The following PRSS23 variants were observed in gnomAD, a reference collection of about 807,000 sequenced individuals.
The protein encoded by PRSS23 is protease, serine 23.
A neutral mutation model predicts 34.7 loss-of-function variants in PRSS23; 25 were observed. The observed-to-expected ratio is 0.72, with a 90% CI of 0.53 to 1.01. The LOEUF (loss-of-function observed/expected upper bound fraction) is 1.01, where lower values mean the gene tolerates loss of function less well. Among genes scored for constraint, PRSS23 ranks in the 50% least tolerant of loss-of-function variants. PRSS23 has a pLI of 0.00. For synonymous variants in PRSS23, 176 were observed against 186.6 expected, an observed-to-expected ratio of 0.94 and a Z score of 0.46; for missense variants, 445 against 475.6, an observed-to-expected ratio of 0.94 and a Z score of 0.60.
Position 86,823,733 on chromosome 11 carries a change from G to A in PRSS23, c.206+140G>A, listed in dbSNP as rs1032749176. Reference sequence around the variant, plus strand: ...ATCAAGAATTCAGAGCAGGCCGGGCGCGGTGGCTCACGCCTGTAATCCCAG... The same window carrying A: ...ATCAAGAATTCAGAGCAGGCCGGGCACGGTGGCTCACGCCTGTAATCCCAG... On this transcript the variant is annotated intron_variant, in intron 2 of 2. Coordinates refer to the PRSS23 transcript ENST00000533902. The A allele has an allele frequency of 6.2e-5, 39 of 627,794 alleles. 1 individual carries two copies. In the African/African-American group the frequency reaches 6.5e-4, roughly 10 times the overall value. 38.9% of individuals were successfully genotyped at this position (627,794 alleles called of 1,614,324 possible).
chr11:86,913,275 A>AC (rs1163553706), intron 2 of PRSS23, among the ~76,000 whole-genome samples: 7 of 44,172 alleles, frequency 1.6e-4, no homozygotes, highest in African/African-American at 4.4e-4. Context: ...GCCCTCAGGC[A>AC]AAAAAAAAAA....
chr11:86,870,325 C>T (rs1405780085), intron 2 of PRSS23, among the ~76,000 whole-genome samples: 1 of 152,050 alleles, frequency 6.6e-6, no homozygotes, highest in Non-Finnish European at 1.5e-5. Flanking sequence ...ATGTCAACAT[C>T]CTGTCGTATT....
At chr11:86,925,746 C>G (rs1399241907) in intron 2 of PRSS23, among the ~76,000 whole-genome samples, 1 of 152,174 alleles carries the variant, frequency 6.6e-6, no homozygotes, top group African/African-American at 2.4e-5. Context: ...TAAGACTTTC[C>G]AGTTAGTAGC....
At position 86,808,813 on chromosome 11, in the gene PRSS23, G is replaced by C; in HGVS notation, c.*18G>C. ...AGGGGTGACACAGTGTTCCCTCCTG[G>C]CAGCAATTAAGGGTCTTCATGTTCT... On this transcript the variant is annotated 3_prime_UTR_variant, in exon 2 of 2. Coordinates refer to ENST00000280258, the MANE Select transcript of PRSS23 (RefSeq NM_007173.6). 1.9e-6 allele frequency: 3 copies of C among 1,583,052 alleles called. No homozygotes were observed. Among genetic ancestry groups the C allele is most frequent in the Non-Finnish European group, 2.6e-6 (3 of 1,162,848 alleles).
At position 86,905,228 on chromosome 11, in the gene PRSS23, C is replaced by G. The variant is rs114722950; in HGVS notation, c.207-45988C>G. Among the ~76,000 whole-genome samples, 48 of 152,300 alleles carry G rather than the reference C, an allele frequency of 3.2e-4. No homozygotes were observed. The South Asian group carries it at 9.3e-3, about 30-fold the overall frequency. ...ATAGGCCTTCCTTCTCTTTGTACCT[C>G]TAATATTCAGCACATAGTGGCTATT... On this transcript the variant is annotated intron_variant, in intron 2 of 2. Transcript: ENST00000533902.
At chr11:86,878,750 T>G (rs1033731310) in intron 2 of PRSS23, among the ~76,000 whole-genome samples, 1 of 149,752 alleles carries the variant, frequency 6.7e-6, no homozygotes, top group African/African-American at 2.5e-5. Context: ...GGAGCCCCAC[T>G]GCCTGGCTAC....
chr11:86,838,916 G>A (rs1948426661), intron 2 of PRSS23, among the ~76,000 whole-genome samples: 1 of 152,026 alleles, frequency 6.6e-6, no homozygotes, highest in South Asian at 2.1e-4. Flanking sequence ...AACTAACAAA[G>A]AGAAAGGAAT....
intron 2 of PRSS23, among the ~76,000 whole-genome samples, chr11:86,893,587 G>A (rs1948855608): frequency 6.6e-6 from 1 of 152,154 alleles, no homozygotes; most frequent in Non-Finnish European, 1.5e-5. Context: ...AAGGTAGGAT[G>A]GCAGGAGCTA....
chr11:86,795,887 C>T (rs17149439), upstream of PRSS23, among the ~76,000 whole-genome samples: 1,308 of 152,286 alleles, frequency 8.6e-3, 11 homozygotes, highest in African/African-American at 0.03. Context: ...TTCAAACTGA[C>T]TTAAATTGTT....
At chr11:86,801,582 A>T (rs1348155110) in intron 1 of PRSS23, among the ~76,000 whole-genome samples, 1 of 152,234 alleles carries the variant, frequency 6.6e-6, no homozygotes. Flanking sequence ...CAGTGCCAGA[A>T]TCCTCATCAC....
intron 1 of PRSS23, among the ~76,000 whole-genome samples, chr11:86,816,977 T>C (rs567431218): frequency 6.6e-6 from 1 of 152,354 alleles, no homozygotes; most frequent in South Asian, 2.1e-4. Context: ...AAAATCTAAT[T>C]ATTTATAAGA....
chr11:86,879,901 A>G (rs1202296190), intron 2 of PRSS23, among the ~76,000 whole-genome samples: 2 of 148,878 alleles, frequency 1.3e-5, no homozygotes, highest in African/African-American at 2.5e-5. Context: ...CCTACTGGGA[A>G]GTGAGGAGCC....
chr11:86,911,191 T>C (rs1201393292), intron 2 of PRSS23: 1 of 152,108 alleles, frequency 6.6e-6, no homozygotes, highest in African/African-American at 2.4e-5. Flanking sequence ...TAGGGAATGA[T>C]TGAATTATAA....
intron 2 of PRSS23, among the ~76,000 whole-genome samples, chr11:86,879,072 G>C (rs1291228804): frequency 2.8e-4 from 37 of 130,744 alleles, no homozygotes; most frequent in Admixed American, 4.5e-4. Flanking sequence ...GTCTCTGCCC[G>C]GCCGCCATCC....
chr11:86,800,337 G>C, upstream of PRSS23: 1 of 602,762 alleles, frequency 1.7e-6, no homozygotes, highest in African/African-American at 2.0e-5. Flanking sequence ...GCCCACCTGC[G>C]CAGGGACGCT....
chr11:86,878,090 G>A (rs1476010344), intron 2 of PRSS23, among the ~76,000 whole-genome samples: 1 of 151,838 alleles, frequency 6.6e-6, no homozygotes, highest in Non-Finnish European at 1.5e-5. Context: ...TATCAAAATT[G>A]GAATTGTACT....
At chr11:86,815,981 C>G (rs190888663), downstream of PRSS23, among the ~76,000 whole-genome samples, 219 of 152,296 alleles carry the variant, frequency 1.4e-3, 2 homozygotes, top group African/African-American at 5.1e-3. Flanking sequence ...CAGGCCCCTC[C>G]CCTATGTTTC....
intron 2 of PRSS23, among the ~76,000 whole-genome samples, chr11:86,888,191 A>G (rs1948818157): frequency 6.6e-6 from 1 of 151,968 alleles, no homozygotes; most frequent in Non-Finnish European, 1.5e-5. Context: ...AAGACCCTAG[A>G]AGGCTTTACA....
At chr11:86,947,497 A>G (rs772647128) in intron 2 of PRSS23, 1 of 152,232 alleles carries the variant, frequency 6.6e-6, no homozygotes, top group African/African-American at 2.4e-5. Context: ...CAGAATCTCA[A>G]TTCAGTATCT....
Sources: allele counts gnomAD v4.1 joint callset (sites outside exome capture counted in the v4.1 genomes callset), GRCh38; gene constraint gnomAD v4.1.1; transcripts MANE v1.5; gene names NCBI Gene and HGNC (gene_info 2026-07-23, HGNC 2026-07-21).